CNR1: variants seen among roughly 807,000 people sequenced by gnomAD.
The protein encoded by CNR1 is cannabinoid receptor 1, also known as cannabinoid receptor 1 (brain).
CNR1 carries 10 observed loss-of-function variants against 23.0 expected under a neutral mutation model. The ratio of observed to expected loss-of-function variants is 0.43; its 90% CI spans 0.27 to 0.74. The LOEUF is 0.74. Among genes scored for constraint, CNR1 ranks in the 30% least tolerant of loss-of-function variants. The pLI is 0.19. For synonymous variants in CNR1, 271 were observed against 255.2 expected, an observed-to-expected ratio of 1.06 and a Z score of -0.59; for missense variants, 422 against 618.8, an observed-to-expected ratio of 0.68 and a Z score of 3.37.
At position 88,144,695 on chromosome 6, in the gene CNR1, C is replaced by T; in HGVS notation, c.580G>A (p.Gly194Ser). ...GCAGTGAAGGAGGCCGTGACCCCAC[C>T]CAGTTTGAACAGAAACACGTTGCGG... Reference protein sequence around the residue: ...DSRNVFLFKLGGVTASFTASV... With the variant: ...DSRNVFLFKLSGVTASFTASV... Residue 194 changes from glycine (G) to serine (S), a missense_variant, in exon 2 of 2, where the codon GGT (glycine) becomes AGT (serine). Physicochemically the swap from Gly to Ser is moderately conservative, Grantham distance 56. Coordinates refer to ENST00000369501, the MANE Select transcript of CNR1 (RefSeq NM_016083.6). The surrounding 1 kb of genome is among the most constrained non-coding windows in gnomAD (Gnocchi z 7.8). The T allele has an allele frequency of 1.2e-6, 2 of 1,614,170 alleles. No individual in the cohort carries two copies. The highest frequency in any genetic ancestry group is 1.7e-6 in the Non-Finnish European group (2 of 1,180,028).
intron 1 of CNR1, among the ~76,000 whole-genome samples, chr6:88,159,051 A>T (rs777127785): frequency 6.6e-6 from 1 of 152,196 alleles, no homozygotes; most frequent in Non-Finnish European, 1.5e-5. Context: ...TAATACACAG[A>T]TATATATTAA....
intron 1 of CNR1, among the ~76,000 whole-genome samples, chr6:88,160,295 AAATT>A (rs1207233455): frequency 6.6e-6 from 1 of 152,214 alleles, no homozygotes; most frequent in Non-Finnish European, 1.5e-5. Flanking sequence ...ATTTCAAAAT[AAATT>A]AATTAAAAAT....
intron 1 of CNR1, among the ~76,000 whole-genome samples, chr6:88,148,770 A>G (rs1408836213): frequency 1.3e-5 from 2 of 152,230 alleles, no homozygotes; most frequent in Non-Finnish European, 2.9e-5. Context: ...GCAATGCCAT[A>G]CCAAATGGTG....
intron 1 of CNR1, among the ~76,000 whole-genome samples, chr6:88,148,231 C>G (rs929164712): frequency 6.6e-6 from 1 of 152,206 alleles, no homozygotes; most frequent in African/African-American, 2.4e-5. Flanking sequence ...CCATAGCTCC[C>G]TGCTTCCCAT....
At chr6:88,149,533 T>C (rs1230063060) in intron 1 of CNR1, among the ~76,000 whole-genome samples, 1 of 152,196 alleles carries the variant, frequency 6.6e-6, no homozygotes, top group Non-Finnish European at 1.5e-5. Flanking sequence ...AGCTGTTCCT[T>C]ACATGGTCCT....
intron 1 of CNR1, chr6:88,164,448 A>C (rs910650595): frequency 2.6e-5 from 4 of 152,374 alleles, no homozygotes; most frequent in Admixed American, 2.6e-4. Flanking sequence ...CAATGTTTAA[A>C]ATTCTGGAGG....
intron 1 of CNR1, among the ~76,000 whole-genome samples, chr6:88,152,936 C>G (rs1388085194): frequency 6.6e-6 from 1 of 152,104 alleles, no homozygotes; most frequent in Non-Finnish European, 1.5e-5. Context: ...TGTATAGATG[C>G]ACCTATTAAA....
intron 1 of CNR1, among the ~76,000 whole-genome samples, chr6:88,165,053 GTTTTT>G (rs767419283): frequency 6.6e-6 from 1 of 152,112 alleles, no homozygotes; most frequent in African/African-American, 2.4e-5. Flanking sequence ...CATTTCTTTT[GTTTTT>G]TTATCTGTTC....
In CNR1 at chr6:88,145,086, A is replaced by C. The variant is rs752937809; in HGVS notation, c.189T>G (p.Thr63=). The C allele has an allele frequency of 2.4e-5, 38 of 1,614,088 alleles. No individual in the cohort carries two copies. Among genetic ancestry groups the C allele is most frequent in the Non-Finnish European group, 3.0e-5 (35 of 1,180,040 alleles). ...GGACTAGCTGGGGGTTGTCTCCCGC[A>C]GTCATCTTCTCTTGGAAGGGACTTC... ...FRGSPFQEKM[T]AGDNPQLVPA... Residue 63 remains threonine (T), a synonymous_variant, in exon 2 of 2, where the codon ACT becomes ACG. Transcript: ENST00000369501.
chr6:88,162,752 A>G (rs1460799698), intron 1 of CNR1, among the ~76,000 whole-genome samples: 2 of 152,262 alleles, frequency 1.3e-5, no homozygotes, highest in African/African-American at 4.8e-5. Context: ...GAGAAAAATC[A>G]GCAAAGCAGG....
At chr6:88,159,624 G>C (rs965561086) in intron 1 of CNR1, among the ~76,000 whole-genome samples, 10 of 152,180 alleles carry the variant, frequency 6.6e-5, no homozygotes, top group African/African-American at 2.2e-4. Context: ...ATTTCCAAAA[G>C]TAGCTGTGTA....
intron 1 of CNR1, among the ~76,000 whole-genome samples, chr6:88,153,553 T>A (rs1444187347): frequency 6.6e-6 from 1 of 152,226 alleles, no homozygotes; most frequent in African/African-American, 2.4e-5. Context: ...AGTCCCTTGC[T>A]TAACTTGTTG....
chr6:88,152,214 C>CAA (rs56141409), intron 1 of CNR1, among the ~76,000 whole-genome samples: 1,045 of 80,546 alleles, frequency 0.013, 22 homozygotes, highest in African/African-American at 0.035. Flanking sequence ...GACTCCGTCT[C>CAA]AAAAAAAAAA....
chr6:88,154,831 G>A (rs1367142010), intron 1 of CNR1, among the ~76,000 whole-genome samples: 1 of 152,088 alleles, frequency 6.6e-6, no homozygotes, highest in East Asian at 1.9e-4. Flanking sequence ...CGCCCACCTC[G>A]GCCTCCCACA....
intron 1 of CNR1, among the ~76,000 whole-genome samples, chr6:88,151,280 T>C (rs984036167): frequency 6.6e-6 from 1 of 152,198 alleles, no homozygotes; most frequent in African/African-American, 2.4e-5. Context: ...TACTGGACAG[T>C]GCAGGTCTAG....
chr6:88,150,578 G>A (rs1777466299), intron 1 of CNR1, among the ~76,000 whole-genome samples: 1 of 152,192 alleles, frequency 6.6e-6, no homozygotes, highest in Non-Finnish European at 1.5e-5. Context: ...TCTGTTAGAT[G>A]AATGTGACCA....
intron 1 of CNR1, among the ~76,000 whole-genome samples, chr6:88,161,014 ATTTGCCT>A (rs533002355): frequency 1.6e-4 from 25 of 152,356 alleles, no homozygotes; most frequent in African/African-American, 5.5e-4. Context: ...GGGCAAATTT[ATTTGCCT>A]TTTGTGTTGA....
At chr6:88,153,402 G>C (rs1479597877) in intron 1 of CNR1, among the ~76,000 whole-genome samples, 1 of 152,146 alleles carries the variant, frequency 6.6e-6, no homozygotes, top group Non-Finnish European at 1.5e-5. Context: ...GGAAGGACTG[G>C]TGCTCCCTGA....
rs1349935621 is a variant in CNR1 at position 88,141,795 on chromosome 6, GCGTGAAC to G, written c.*2054_*2060del. 1 of 152,344 alleles carries G rather than the reference GCGTGAAC, an allele frequency of 6.6e-6. No individual in the cohort carries two copies. The highest frequency in any genetic ancestry group is 1.5e-5 in the Non-Finnish European group (1 of 68,048). 9.4% of individuals were successfully genotyped at this position (152,344 alleles called of 1,614,324 possible). A position where few individuals can be genotyped will look rare whatever the true frequency, so the allele number is the denominator to read the frequency against. Reference sequence around the variant, plus strand: ...CTCATAAGCCACATCCTGCCTTAGAGCGTGAACCGTAAGAAGGGGAACTGCCCCATCA... The same window carrying G: ...CTCATAAGCCACATCCTGCCTTAGAGCGTAAGAAGGGGAACTGCCCCATCA... On this transcript the variant is annotated 3_prime_UTR_variant, in exon 2 of 2. Transcript: ENST00000369501.
Sources: allele counts gnomAD v4.1 joint callset (sites outside exome capture counted in the v4.1 genomes callset), GRCh38; gene constraint gnomAD v4.1.1; non-coding constraint Gnocchi (gnomAD v3.1); transcripts MANE v1.5; gene names NCBI Gene and HGNC (gene_info 2026-07-23, HGNC 2026-07-21).